ZNF616: variants seen among roughly 807,000 people sequenced by gnomAD.
ZNF616 encodes zinc finger protein 616.
In ZNF616, 5 loss-of-function variants were observed where a neutral mutation model predicts 7.6. The ratio of observed to expected loss-of-function variants is 0.66; its 90% CI spans 0.34 to 1.38. The LOEUF (loss-of-function observed/expected upper bound fraction) is 1.38, where lower values mean the gene tolerates loss of function less well. Ranked by LOEUF, ZNF616 falls within the 40% of genes most tolerant of loss-of-function variation. The pLI, the probability that ZNF616 is intolerant of heterozygous loss-of-function variation, is 0.04. For synonymous variants in ZNF616, 319 were observed against 317.2 expected, an observed-to-expected ratio of 1.01 and a Z score of -0.06; for missense variants, 913 against 948.3, an observed-to-expected ratio of 0.96 and a Z score of 0.49.
intron 3 of ZNF616, among the ~76,000 whole-genome samples, chr19:52,120,496 A>G (rs2088857037): frequency 1.3e-5 from 2 of 152,202 alleles, no homozygotes; most frequent in Admixed American, 1.3e-4. Context: ...AGTGGCTTAA[A>G]CTCCACAATC....
chr19:52,120,111 G>C (rs1203604270), intron 3 of ZNF616, among the ~76,000 whole-genome samples: 1 of 152,080 alleles, frequency 6.6e-6, no homozygotes, highest in Non-Finnish European at 1.5e-5. Flanking sequence ...TAAGAAAGCA[G>C]GAAATTGTTG....
chr19:52,124,101 T>C (rs770994870), intron 2 of ZNF616, 52 bp from the exon 3 acceptor site: 14 of 1,554,190 alleles, frequency 9.0e-6, no homozygotes, highest in Admixed American at 4.2e-5. Context: ...CTCTTCTGTT[T>C]ACACAAAATG....
chr19:52,117,038 T>C lies in ZNF616; in HGVS notation c.140-14A>G, dbSNP rs764389295. 4 of 1,532,934 alleles carry C rather than the reference T, an allele frequency of 2.6e-6. No homozygotes were observed. Among genetic ancestry groups the C allele is most frequent in the Middle Eastern group, 1.8e-4 (1 of 5,688 alleles). 95.0% of individuals were successfully genotyped at this position (1,532,934 alleles called of 1,614,324 possible). A position where few individuals can be genotyped will look rare whatever the true frequency, so the allele number is the denominator to read the frequency against. On this transcript the variant is annotated splice_polypyrimidine_tract_variant and intron_variant, in intron 3 of 3. Coordinates refer to ENST00000600228, the MANE Select transcript of ZNF616 (RefSeq NM_178523.5). ...TAGGAGAGATACCTGCAAAATATAATGAACATGAGTTTTTTTTTAAACTAC... is the reference window on the plus strand; with the variant it reads ...TAGGAGAGATACCTGCAAAATATAACGAACATGAGTTTTTTTTTAAACTAC...
Position 52,114,932 on chromosome 19 carries a change from A to C in ZNF616, c.2232T>G (p.Pro744=), listed in dbSNP as rs1568557426. The change falls in exon 4 of 4, where the codon CCT becomes CCG. Residue 744 remains proline (P), a synonymous_variant. Transcript: ENST00000600228. ...ATTTCCCACACTCATTACATTTATA[A>C]GGTTTTTTGCCAGAATGAATTCTTT... is the stretch of plus-strand genomic sequence containing the variant. ...KHQRIHSGKK[P]YKCNECGKSF... The C allele has an allele frequency of 6.2e-7, 1 of 1,614,024 alleles. No individual in the cohort carries two copies.
chr19:52,114,776 T>C lies in ZNF616; in HGVS notation c.*42A>G. 1.4e-5 allele frequency: 22 copies of C among 1,527,732 alleles called. No individual in the cohort carries two copies. The highest frequency in any genetic ancestry group is 1.9e-5 in the Non-Finnish European group (22 of 1,141,992). The allele number at this position is 1,527,732 out of a possible 1,614,324, so 94.6% of individuals were successfully genotyped here. ...GGGGTAAATATACAAGGTATATCAG[T>C]AAGTAGGAATTATTCGGTGATTCCA... On this transcript the variant is annotated 3_prime_UTR_variant, in exon 4 of 4. Transcript: ENST00000600228.
At chr19:52,128,239 T>C (rs1022454065) in intron 2 of ZNF616, among the ~76,000 whole-genome samples, 1 of 151,854 alleles carries the variant, frequency 6.6e-6, no homozygotes, top group East Asian at 1.9e-4. Flanking sequence ...TTTGAGGCTA[T>C]GGGGAAAATG....
intron 3 of ZNF616, among the ~76,000 whole-genome samples, chr19:52,120,817 C>T (rs1050375642): frequency 6.6e-6 from 1 of 151,920 alleles, no homozygotes; most frequent in African/African-American, 2.4e-5. Context: ...ATATATGAAG[C>T]AAGAGAAACA....
chr19:52,123,004 T>C (rs1476172560), intron 3 of ZNF616, among the ~76,000 whole-genome samples: 2 of 152,184 alleles, frequency 1.3e-5, no homozygotes, highest in Non-Finnish European at 2.9e-5. Flanking sequence ...GAAACTGTCT[T>C]ATTACAACAC....
chr19:52,114,690 C>G lies in ZNF616; in HGVS notation c.*128G>C. ...GAAATCCACTTCCATGATTCAATCA[C>G]CTCCCAATGGGCCCCACCTCCAATA... On this transcript the variant is annotated 3_prime_UTR_variant, in exon 4 of 4. Transcript: ENST00000600228. The G allele has an allele frequency of 9.0e-7, 1 of 1,107,900 alleles. No individual in the cohort carries two copies. The highest frequency in any genetic ancestry group is 1.3e-6 in the Non-Finnish European group (1 of 790,790). The allele number at this position is 1,107,900 out of a possible 1,614,324, so 68.6% of individuals were successfully genotyped here. A position where few individuals can be genotyped will look rare whatever the true frequency, so the allele number is the denominator to read the frequency against.
At chr19:52,128,903 T>A (rs1436850193) in intron 2 of ZNF616, among the ~76,000 whole-genome samples, 1 of 151,578 alleles carries the variant, frequency 6.6e-6, no homozygotes, top group African/African-American at 2.4e-5. Context: ...CATCTCACAG[T>A]TACTTTTTTT....
In ZNF616 at chr19:52,113,654, TC is replaced by T. The variant is rs1272161447; in HGVS notation, c.*1163del. The T allele has an allele frequency of 1.3e-5, 2 of 151,802 alleles. No individual in the cohort carries two copies. Among genetic ancestry groups the T allele is most frequent in the African/African-American group, 4.8e-5 (2 of 41,360 alleles). The allele number at this position is 151,802 out of a possible 1,614,324, so 9.4% of individuals were successfully genotyped here. On this transcript the variant is annotated 3_prime_UTR_variant, in exon 4 of 4. Transcript: ENST00000600228. ...CAGGCCCCAGTGTGTGTTGCTCCCC[TC>T]CCTGGGTATATGTGTTCTCATTGTT...
chr19:52,120,139 G>A (rs2088854900), intron 3 of ZNF616, among the ~76,000 whole-genome samples: 2 of 152,262 alleles, frequency 1.3e-5, no homozygotes, highest in South Asian at 4.1e-4. Context: ...TTAAATACAC[G>A]TTCATGGAGA....
intron 1 of ZNF616, among the ~76,000 whole-genome samples, chr19:52,134,966 A>C (rs2122174084): frequency 6.6e-6 from 1 of 152,276 alleles, no homozygotes; most frequent in East Asian, 1.9e-4. Context: ...AGAAAGTAAC[A>C]GCTGTATCTT....
intron 2 of ZNF616, among the ~76,000 whole-genome samples, chr19:52,126,349 G>A (rs972625026): frequency 4.6e-5 from 7 of 152,132 alleles, no homozygotes; most frequent in Non-Finnish European, 8.8e-5. Flanking sequence ...CCAACATTAT[G>A]AAACCCCATC....
In ZNF616 at chr19:52,130,552, T is replaced by G; in HGVS notation, c.-40A>C. On this transcript the variant is annotated 5_prime_UTR_variant, in exon 2 of 4. Coordinates refer to ENST00000600228, the MANE Select transcript of ZNF616 (RefSeq NM_178523.5). ...CCTTCCTCTTCTTCCTCTTCTGGGTTTCTTTCTCAGTCAATGTAATTATTC... is the reference window on the plus strand; with the variant it reads ...CCTTCCTCTTCTTCCTCTTCTGGGTGTCTTTCTCAGTCAATGTAATTATTC... 6.3e-7 allele frequency: 1 copy of G among 1,596,820 alleles called. No homozygotes were observed. Among genetic ancestry groups the G allele is most frequent in the South Asian group, 1.1e-5 (1 of 88,780 alleles).
chr19:52,117,116 AT>A, intron 3 of ZNF616, 92 bp from the exon 4 acceptor site: 1 of 1,109,160 alleles, frequency 9.0e-7, no homozygotes, highest in South Asian at 1.7e-5. Context: ...ACTAAACATA[AT>A]CTTTATACTA....
At chr19:52,123,862 C>A (rs964661622) in intron 3 of ZNF616, 61 bp downstream of exon 3, 2 of 1,606,614 alleles carry the variant, frequency 1.2e-6, no homozygotes. Flanking sequence ...AGAAAGACAA[C>A]AGAGGAAATA....
At position 52,116,313 on chromosome 19, in the gene ZNF616, A is replaced by G; in HGVS notation, c.851T>C (p.Leu284Pro). The change falls in exon 4 of 4, where the codon CTT becomes CCT. Residue 284 changes from leucine (L) to proline (P), a missense_variant. Leu to Pro is a moderately conservative substitution (Grantham distance 98). Coordinates refer to ENST00000600228, the MANE Select transcript of ZNF616 (RefSeq NM_178523.5). Reference protein sequence around the residue: ...CGKSFSKSSHLAVHQRIHTGE... With the variant: ...CGKSFSKSSHPAVHQRIHTGE... ...GGTATGAATTCTCTGATGAACTGCA[A>G]GGTGGGAACTTTTACTAAAGGACTT... is the stretch of plus-strand genomic sequence containing the variant. 3 of 1,614,190 alleles carry G rather than the reference A, an allele frequency of 1.9e-6. No individual in the cohort carries two copies. The highest frequency in any genetic ancestry group is 2.2e-5 in the South Asian group (2 of 91,080).
At chr19:52,128,470 C>T (rs766309848) in intron 2 of ZNF616, among the ~76,000 whole-genome samples, 8 of 152,086 alleles carry the variant, frequency 5.3e-5, no homozygotes, top group Admixed American at 1.3e-4. Flanking sequence ...AAGCTGGGCA[C>T]GGTGGCTCAT....
Sources: allele counts gnomAD v4.1 joint callset (sites outside exome capture counted in the v4.1 genomes callset), GRCh38; gene constraint gnomAD v4.1.1; transcripts MANE v1.5; gene names NCBI Gene and HGNC (gene_info 2026-07-23, HGNC 2026-07-21).